Variants in TRUB2 observed in about 807,000 individuals in gnomAD.
The protein encoded by TRUB2 is pseudouridylate synthase TRUB2, mitochondrial.
Under a neutral mutation model 31.9 loss-of-function variants are expected in TRUB2, and 31 were observed. That is an observed-to-expected ratio of 0.97 (90% CI 0.73 to 1.31). TRUB2 has a LOEUF of 1.31. Among genes scored for constraint, TRUB2 ranks in the 50% most tolerant of loss-of-function variants. The probability of loss-of-function intolerance (pLI) is 0.00; values close to 1 mark genes in which losing one functional copy is unlikely to be tolerated. For synonymous variants in TRUB2, 201 were observed against 182.6 expected (o/e 1.10, Z -0.81); for missense variants, 451 against 439.6 (o/e 1.03, Z -0.23).
In TRUB2 at chr9:128,311,037, A is replaced by G. The variant is rs1831960720; in HGVS notation, c.534-14T>C. 4 of 1,605,580 alleles carry G rather than the reference A, an allele frequency of 2.5e-6. No homozygotes were observed. Among genetic ancestry groups the G allele is most frequent in the Non-Finnish European group, 3.4e-6 (4 of 1,177,824 alleles). ...AGGTTGGAGTACCTGCAGATCAGGAAGGGGGCTGCAGCTGGGTGGCCCACC... is the reference window on the plus strand; with the variant it reads ...AGGTTGGAGTACCTGCAGATCAGGAGGGGGGCTGCAGCTGGGTGGCCCACC... On this transcript the variant is annotated splice_polypyrimidine_tract_variant and intron_variant, in intron 6 of 7. Transcript: ENST00000372890.
rs28835403 is a variant in TRUB2, at chr9:128,319,105, T to A, written c.242-1879A>T. On this transcript the variant is annotated intron_variant, in intron 2 of 7. Coordinates refer to ENST00000372890, the MANE Select transcript of TRUB2 (RefSeq NM_015679.3). Reference sequence around the variant, plus strand: ...ACTTTGGGAGGCCGAGGCGGGTGGATCACGAGGTCAGGAGATCGAGACTAT... The same window carrying A: ...ACTTTGGGAGGCCGAGGCGGGTGGAACACGAGGTCAGGAGATCGAGACTAT... Among the ~76,000 whole-genome samples the A allele has an allele frequency of 1.9e-3, 285 of 151,814 alleles. 1 individual carries two copies. Among genetic ancestry groups the A allele is most frequent in the African/African-American group, 6.6e-3 (275 of 41,452 alleles).
At chr9:128,321,540 A>G (rs1287706016) in intron 2 of TRUB2, 59 bp downstream of exon 2, 2 of 1,608,814 alleles carry the variant, frequency 1.2e-6, no homozygotes, top group South Asian at 1.1e-5. Context: ...TGGGACACTG[A>G]CTCGGCTCAG....
At chr9:128,322,061 C>A (rs1464940055) in intron 1 of TRUB2, among the ~76,000 whole-genome samples, 1 of 152,162 alleles carries the variant, frequency 6.6e-6, no homozygotes, top group African/African-American at 2.4e-5. Context: ...AAGAAACAGG[C>A]GGATTCAAAC....
rs369721543 is a variant in TRUB2, at chr9:128,311,539, C to A, written c.523G>T (p.Ala175Ser). ...GAGGGCCCTACTCACATCACCAGGG[C>A]CTTCTGATGGGAGCCTTGGATAACG... The part of the protein sequence containing the change: ...LAVIQGSHQK[A>S]LVMYSNLDLK... The change falls in exon 6 of 8, where the codon GCC becomes TCC. Residue 175 changes from alanine to serine, a missense_variant. Ala to Ser is a moderately conservative substitution (Grantham distance 99, BLOSUM62 1). Coordinates refer to ENST00000372890, the MANE Select transcript of TRUB2 (RefSeq NM_015679.3). 18 of 1,614,042 alleles carry A rather than the reference C, an allele frequency of 1.1e-5. No homozygotes were observed. The African/African-American group carries it at 2.4e-4, about 22-fold the overall frequency.
intron 2 of TRUB2, among the ~76,000 whole-genome samples, chr9:128,320,344 T>G (rs1348862613): frequency 6.6e-6 from 1 of 151,958 alleles, no homozygotes; most frequent in East Asian, 1.9e-4. Flanking sequence ...TAATTTTTTT[T>G]TTTTTTTGAG....
intron 3 of TRUB2, chr9:128,316,636 T>C (rs1048087153): frequency 1.3e-5 from 2 of 153,756 alleles, no homozygotes; most frequent in African/African-American, 4.8e-5. Flanking sequence ...CTGTCGCGGC[T>C]GGAGGATGTG....
intron 2 of TRUB2, among the ~76,000 whole-genome samples, chr9:128,318,437 A>C (rs1040614979): frequency 8.2e-4 from 125 of 152,158 alleles, no homozygotes; most frequent in African/African-American, 2.8e-3. Context: ...TCTCACCTGG[A>C]GTCCCAGAAT....
chr9:128,322,276 G>C (rs1405076388), intron 1 of TRUB2, 24 bp downstream of exon 1: 1 of 1,585,218 alleles, frequency 6.3e-7, no homozygotes, highest in Non-Finnish European at 8.7e-7. Context: ...GAGCGGGAAC[G>C]TGGGTCTGGT....
In TRUB2 at chr9:128,315,769, G is replaced by C. The variant is rs1017704415; in HGVS notation, c.317-141C>G. 4.4e-6 allele frequency: 4 copies of C among 900,126 alleles called. No individual in the cohort carries two copies. The African/African-American group carries it at 6.6e-5, about 15-fold the overall frequency. The allele number at this position is 900,126 out of a possible 1,614,324, so 55.8% of individuals were successfully genotyped here. A position where few individuals can be genotyped will look rare whatever the true frequency, so the allele number is the denominator to read the frequency against. On this transcript the variant is annotated intron_variant, in intron 3 of 7. Coordinates refer to ENST00000372890, the MANE Select transcript of TRUB2 (RefSeq NM_015679.3). Reference sequence around the variant, plus strand: ...AAGAAGGCAAAAAGATCTTCTACAGGGGGCAGGTGCACCCCTCTGGGTATA... The same window carrying C: ...AAGAAGGCAAAAAGATCTTCTACAGCGGGCAGGTGCACCCCTCTGGGTATA...
At position 128,307,558 on chromosome 9, in the gene TRUB2, C is replaced by T. The variant is rs1831887592; in HGVS notation, c.*1992G>A. 6.6e-6 allele frequency: 1 copy of T among 151,796 alleles called. No individual in the cohort carries two copies. Among genetic ancestry groups the T allele is most frequent in the African/African-American group, 2.4e-5 (1 of 41,282 alleles). 9.4% of individuals were successfully genotyped at this position (151,796 alleles called of 1,614,324 possible). A position where few individuals can be genotyped will look rare whatever the true frequency, so the allele number is the denominator to read the frequency against. ...CCAGCCTGGCCAACATAGTGAAACCCTGTCTCTACTAAAAATACAAAAATT... is the reference window on the plus strand; with the variant it reads ...CCAGCCTGGCCAACATAGTGAAACCTTGTCTCTACTAAAAATACAAAAATT... On this transcript the variant is annotated 3_prime_UTR_variant, in exon 8 of 8. Transcript: ENST00000372890.
rs941816178 is a variant in TRUB2, at chr9:128,309,199, T to G, written c.*351A>C. On this transcript the variant is annotated 3_prime_UTR_variant, in exon 8 of 8. Coordinates refer to ENST00000372890, the MANE Select transcript of TRUB2 (RefSeq NM_015679.3). ...CAGGGGTCTCATATGTTCCCCAGAC[T>G]AGAGTGCAGTGGCTATTCACAGGCG... 1.8e-5 allele frequency: 4 copies of G among 228,570 alleles called. No homozygotes were observed. The highest frequency in any genetic ancestry group is 4.5e-5 in the African/African-American group (2 of 44,636). The allele number at this position is 228,570 out of a possible 1,614,324, so 14.2% of individuals were successfully genotyped here. A position where few individuals can be genotyped will look rare whatever the true frequency, so the allele number is the denominator to read the frequency against.
At chr9:128,320,774 T>C (rs1485331877) in intron 2 of TRUB2, among the ~76,000 whole-genome samples, 22 of 152,146 alleles carry the variant, frequency 1.4e-4, no homozygotes, top group Non-Finnish European at 2.5e-4. Context: ...TTCCCATATA[T>C]TTTAAATCAT....
Position 128,310,980 on chromosome 9 carries a change from C to T in TRUB2, c.577G>A (p.Ala193Thr). ...ATGGGCCGGATCAGGCCTCTCACGG[C>T]CATCTCATAGGCCTCCTGGGTCTTC... ...DLKTQEAYEM[A>T]VRGLIRPMNK... Residue 193 changes from alanine to threonine, a missense_variant, in exon 7 of 8, where the codon GCC (alanine) becomes ACC (threonine). Ala to Thr is a moderately conservative substitution (Grantham distance 58). Coordinates refer to ENST00000372890, the MANE Select transcript of TRUB2 (RefSeq NM_015679.3). 6.2e-7 allele frequency: 1 copy of T among 1,614,220 alleles called. No homozygotes were observed. The highest frequency in any genetic ancestry group is 1.1e-5 in the South Asian group (1 of 91,090).
Position 128,311,540 on chromosome 9 carries a change from C to T in TRUB2, c.522G>A (p.Lys174=). Residue 174 remains lysine (K), a synonymous_variant, in exon 6 of 8, where the codon AAG becomes AAA. Transcript: ENST00000372890. ...ILAVIQGSHQ[K]ALVMYSNLDL... ...AGGGCCCTACTCACATCACCAGGGC[C>T]TTCTGATGGGAGCCTTGGATAACGG... 4 of 1,614,136 alleles carry T rather than the reference C, an allele frequency of 2.5e-6. No individual in the cohort carries two copies. Among genetic ancestry groups the T allele is most frequent in the Non-Finnish European group, 8.5e-7 (1 of 1,179,998 alleles).
intron 3 of TRUB2, chr9:128,315,914 C>G (rs1248569403): frequency 4.4e-6 from 2 of 456,096 alleles, no homozygotes; most frequent in Non-Finnish European, 8.2e-6. Flanking sequence ...GAAGAGATCC[C>G]TGGCCTAGTC....
chr9:128,311,961 G>C (rs547650463), intron 5 of TRUB2, among the ~76,000 whole-genome samples: 41 of 149,564 alleles, frequency 2.7e-4, no homozygotes, highest in Non-Finnish European at 4.3e-4. Context: ...TCAGCCTCTC[G>C]AGTAGCTGGG....
chr9:128,319,543 A>G (rs1832126404), intron 2 of TRUB2, among the ~76,000 whole-genome samples: 1 of 152,096 alleles, frequency 6.6e-6, no homozygotes, highest in South Asian at 2.1e-4. Context: ...GATTGGGTCC[A>G]GGATCCCTTG....
At chr9:128,313,748 G>T (rs761010037) in intron 5 of TRUB2, 60 bp downstream of exon 5, 14 of 1,498,630 alleles carry the variant, frequency 9.3e-6, no homozygotes, top group Non-Finnish European at 1.3e-5. Flanking sequence ...CTAGGGCGGG[G>T]AGAGGACTCA....
At position 128,311,003 on chromosome 9, in the gene TRUB2, T is replaced by C; in HGVS notation, c.554A>G (p.Lys185Arg). The change falls in exon 7 of 8, where the codon AAG becomes AGG. Residue 185 changes from lysine (K) to arginine (R), a missense_variant. Coordinates refer to ENST00000372890, the MANE Select transcript of TRUB2 (RefSeq NM_015679.3). Reference sequence around the variant, plus strand: ...GGCCATCTCATAGGCCTCCTGGGTCTTCAGGTCGAGGTTGGAGTACCTGCA... The same window carrying C: ...GGCCATCTCATAGGCCTCCTGGGTCCTCAGGTCGAGGTTGGAGTACCTGCA... ...ALVMYSNLDL[K>R]TQEAYEMAVR... The C allele has an allele frequency of 6.2e-7, 1 of 1,614,122 alleles. No homozygotes were observed. The highest frequency in any genetic ancestry group is 2.2e-5 in the East Asian group (1 of 44,860).
Sources: gnomAD v4.1 joint callset for allele counts (sites outside exome capture counted in the v4.1 genomes callset) on GRCh38, gnomAD v4.1.1 for gene constraint, MANE v1.5 for transcripts, NCBI Gene and HGNC (gene_info 2026-07-23, HGNC 2026-07-21) for gene names.